ZNF605: variants seen among roughly 807,000 people sequenced by gnomAD.
ZNF605 encodes the protein zinc finger protein 605.
In ZNF605, 9 loss-of-function variants were observed where a neutral mutation model predicts 7.9. The ratio of observed to expected loss-of-function variants is 1.14; its 90% confidence interval spans 0.68 to 1.98. The LOEUF is 1.98. Among genes scored for constraint, ZNF605 ranks in the 30% most tolerant of loss-of-function variants. The pLI is 0.00. For missense variants in ZNF605, 673 were observed against 762.4 expected, an observed-to-expected ratio of 0.88 and a Z score of 1.38; for synonymous variants, 255 against 260.1, an observed-to-expected ratio of 0.98 and a Z score of 0.19.
rs559504810 is a variant in ZNF605 at position 132,918,644 on chromosome 12, C to T, written c.*6729G>A. On this transcript the variant is annotated 3_prime_UTR_variant, in exon 5 of 5. Transcript: ENST00000360187. ...TCAGGCTGGAGTGCAGTGGTGGTGC[C>T]ATCTTGGCTCACTGCAACCTCCAAC... 6.6e-6 allele frequency: 1 copy of T among 152,386 alleles called. No homozygotes were observed. The highest frequency in any genetic ancestry group is 2.1e-4 in the South Asian group (1 of 4,828). The allele number at this position is 152,386 out of a possible 1,614,324, so 9.4% of individuals were successfully genotyped here. A position where few individuals can be genotyped will look rare whatever the true frequency, so the allele number is the denominator to read the frequency against.
chr12:132,945,784 C>T lies in ZNF605; in HGVS notation c.-149G>A. 1 of 1,171,066 alleles carries T rather than the reference C, an allele frequency of 8.5e-7. No individual in the cohort carries two copies. The highest frequency in any genetic ancestry group is 1.3e-6 in the Non-Finnish European group (1 of 781,788). The allele number at this position is 1,171,066 out of a possible 1,614,324, so 72.5% of individuals were successfully genotyped here. On this transcript the variant is annotated 5_prime_UTR_variant, in exon 3 of 5. Transcript: ENST00000360187. ...TTATCTCACATGAATTGTCTTGTTC[C>T]AGAGGGCTATTGCCTGTGGATGCAG...
intron 2 of ZNF605, among the ~76,000 whole-genome samples, chr12:132,947,422 C>T (rs1952505785): frequency 6.6e-6 from 1 of 152,046 alleles, no homozygotes; most frequent in Non-Finnish European, 1.5e-5. Context: ...GGTGAATTCT[C>T]CCACAACAGC....
intron 4 of ZNF605, among the ~76,000 whole-genome samples, chr12:132,932,492 T>C (rs1952317592): frequency 6.6e-6 from 1 of 152,164 alleles, no homozygotes; most frequent in Non-Finnish European, 1.5e-5. Flanking sequence ...ATAAGAGGGA[T>C]ACATTTCATC....
chr12:132,950,565 C>A (rs1221125621), intron 1 of ZNF605, among the ~76,000 whole-genome samples: 1 of 151,600 alleles, frequency 6.6e-6, no homozygotes, highest in Non-Finnish European at 1.5e-5. Context: ...ACCCGTACAT[C>A]ACACACAGAC....
rs1952324439 is a variant in ZNF605 at position 132,933,252 on chromosome 12, C to T, written c.16-97G>A. 7.2e-7 allele frequency: 1 copy of T among 1,379,620 alleles called. No homozygotes were observed. The highest frequency in any genetic ancestry group is 9.8e-7 in the Non-Finnish European group (1 of 1,023,556). 85.5% of individuals were successfully genotyped at this position (1,379,620 alleles called of 1,614,324 possible). A position where few individuals can be genotyped will look rare whatever the true frequency, so the allele number is the denominator to read the frequency against. ...TTGTGGTAGGTGGCCTCTAAGATGG[C>T]CCCAGTGACCTCTGACTCCGGTATT... On this transcript the variant is annotated intron_variant, in intron 3 of 4. Coordinates refer to ENST00000360187, the MANE Select transcript of ZNF605 (RefSeq NM_183238.4). The surrounding 1 kb of genome is among the most constrained non-coding windows in gnomAD (Gnocchi z 4.4).
In ZNF605 at chr12:132,926,204, G is replaced by A. The variant is rs955677565; in HGVS notation, c.1095C>T (p.Tyr365=). 3.5e-5 allele frequency: 56 copies of A among 1,613,966 alleles called. No homozygotes were observed. In the East Asian group the frequency reaches 6.7e-4, roughly 19 times the overall value. ...AGGCTTCACCACATTCGTTGCATTC[G>A]TAGGGCTTCTCTCCTGTATGAATCC... ...HQRIHTGEKP[Y]ECNECGEAFI... The change falls in exon 5 of 5, where the codon TAC becomes TAT. Residue 365 remains tyrosine (Y), a synonymous_variant. Coordinates refer to ENST00000360187, the MANE Select transcript of ZNF605 (RefSeq NM_183238.4).
At chr12:132,953,970 C>T (rs912444460) in intron 1 of ZNF605, among the ~76,000 whole-genome samples, 1 of 152,068 alleles carries the variant, frequency 6.6e-6, no homozygotes, top group Admixed American at 6.6e-5. Flanking sequence ...GTCACTAATA[C>T]AAACAAGCTC....
intron 1 of ZNF605, among the ~76,000 whole-genome samples, chr12:132,951,159 A>T (rs1240690499): frequency 6.6e-6 from 1 of 151,830 alleles, no homozygotes; most frequent in Non-Finnish European, 1.5e-5. Flanking sequence ...ACACTGGTAC[A>T]TAACGTATAC....
Position 132,925,698 on chromosome 12 carries a change from T to G in ZNF605, c.1601A>C (p.Glu534Ala), listed in dbSNP as rs752694574. Residue 534 changes from glutamate to alanine, a missense_variant, in exon 5 of 5, where the codon GAA becomes GCA. Transcript: ENST00000360187. ...QRIHTGEKPY[E>A]CSECGKAFVQ... Reference sequence around the variant, plus strand: ...AAATGCTTTCCCACATTCACTGCATTCATAGGGTTTCTCCCCTGTATGAAT... The same window carrying G: ...AAATGCTTTCCCACATTCACTGCATGCATAGGGTTTCTCCCCTGTATGAAT... 6.2e-7 allele frequency: 1 copy of G among 1,614,168 alleles called. No homozygotes were observed. The highest frequency in any genetic ancestry group is 1.1e-5 in the South Asian group (1 of 91,072).
At chr12:132,945,372 A>C in intron 3 of ZNF605, 4 of 1,377,240 alleles carry the variant, frequency 2.9e-6, no homozygotes, top group Non-Finnish European at 4.1e-6. Flanking sequence ...TGTGTGTTGC[A>C]GAGATTTCTG....
rs111619718 is a variant in ZNF605 at position 132,926,288 on chromosome 12, G to A, written c.1011C>T (p.Tyr337=). 36 of 1,613,974 alleles carry A rather than the reference G, an allele frequency of 2.2e-5. No individual in the cohort carries two copies. Among genetic ancestry groups the A allele is most frequent in the East Asian group, 1.1e-4 (5 of 44,844 alleles). Residue 337 remains tyrosine, a synonymous_variant, in exon 5 of 5, where the codon TAC becomes TAT. Transcript: ENST00000360187. ...HQRTHTGKKP[Y]GCGECQKAFS... ...AGGCTTTTTGACACTCACCACATCC[G>A]TAAGGTTTCTTCCCTGTGTGGGTCC...
intron 1 of ZNF605, 125 bp downstream of exon 1, chr12:132,956,118 C>G (rs1952635194): frequency 6.6e-6 from 1 of 151,992 alleles, no homozygotes; most frequent in East Asian, 1.9e-4. Flanking sequence ...CGGCAGCCAG[C>G]TCGTTCGCGC....
At chr12:132,950,842 CACAT>C (rs1333893371) in intron 1 of ZNF605, among the ~76,000 whole-genome samples, 12 of 151,428 alleles carry the variant, frequency 7.9e-5, no homozygotes, top group East Asian at 3.9e-4. Flanking sequence ...ACGAACATCA[CACAT>C]ACAGACATGT....
rs1952228455 is a variant in ZNF605, at chr12:132,924,466, C to A, written c.*907G>T. The stretch of plus-strand genomic sequence containing the variant: ...CTAAGTCAAAGGACTCAGGGGACTC[C>A]CAGCAGACTTCTTGAGCCCTGTATC... On this transcript the variant is annotated 3_prime_UTR_variant, in exon 5 of 5. Coordinates refer to ENST00000360187, the MANE Select transcript of ZNF605 (RefSeq NM_183238.4). The A allele has an allele frequency of 3.3e-5, 5 of 152,362 alleles. No homozygotes were observed. In the South Asian group the frequency reaches 1.0e-3, roughly 32 times the overall value. 9.4% of individuals were successfully genotyped at this position (152,362 alleles called of 1,614,324 possible). A position where few individuals can be genotyped will look rare whatever the true frequency, so the allele number is the denominator to read the frequency against.
intron 2 of ZNF605, among the ~76,000 whole-genome samples, chr12:132,947,086 T>C (rs1038899765): frequency 4.6e-5 from 7 of 151,098 alleles, no homozygotes; most frequent in East Asian, 2.0e-4. Flanking sequence ...GATCTCGGCT[T>C]ACTGCAACCT....
chr12:132,939,997 G>A (rs1202029721), intron 3 of ZNF605, among the ~76,000 whole-genome samples: 2 of 151,808 alleles, frequency 1.3e-5, no homozygotes, highest in Non-Finnish European at 2.9e-5. Flanking sequence ...GAACACAGCT[G>A]AACATCAGAA....
At chr12:132,928,738 G>A (rs1056542390) in intron 4 of ZNF605, among the ~76,000 whole-genome samples, 2 of 152,200 alleles carry the variant, frequency 1.3e-5, no homozygotes, top group Non-Finnish European at 2.9e-5. Context: ...GCTGGGCCTG[G>A]TGGCAGCTCA....
At position 132,925,183 on chromosome 12, in the gene ZNF605, C is replaced by CT. The variant is rs1434002118; in HGVS notation, c.*189dup. On this transcript the variant is annotated 3_prime_UTR_variant, in exon 5 of 5. Coordinates refer to ENST00000360187, the MANE Select transcript of ZNF605 (RefSeq NM_183238.4). ...ACGAGTAGTGTCTTCTGGGAGATGA[C>CT]TTTTTTTACACTGTTTGCTTTTTAA... is the stretch of plus-strand genomic sequence containing the variant. The CT allele has an allele frequency of 1.2e-5, 6 of 510,492 alleles. No homozygotes were observed. The East Asian group carries it at 1.2e-4, about 11-fold the overall frequency. 31.6% of individuals were successfully genotyped at this position (510,492 alleles called of 1,614,324 possible).
intron 2 of ZNF605, 77 bp from the exon 3 acceptor site, chr12:132,945,874 G>C: frequency 1.6e-6 from 1 of 630,390 alleles, no homozygotes; most frequent in South Asian, 1.9e-5. Context: ...CTCTTGCTGG[G>C]AGCTCAGATT....
Sources: gnomAD v4.1 joint callset for allele counts (sites outside exome capture counted in the v4.1 genomes callset) on GRCh38, gnomAD v4.1.1 for gene constraint, Gnocchi (gnomAD v3.1) non-coding constraint, MANE v1.5 for transcripts, NCBI Gene and HGNC (gene_info 2026-07-23, HGNC 2026-07-21) for gene names.